The following ADCY9 variants were observed in gnomAD, a reference collection of about 807,000 sequenced individuals.
ADCY9 encodes the protein adenylate cyclase type 9.
ADCY9 carries 50 observed loss-of-function variants against 101.5 expected under a neutral mutation model. The ratio of observed to expected loss-of-function variants is 0.49; its 90% CI spans 0.39 to 0.62. The LOEUF is 0.62. Ranked by LOEUF, ADCY9 falls within the 20% of genes least tolerant of loss-of-function variation. ADCY9 has a pLI of 0.00. For synonymous variants in ADCY9, 905 were observed against 769.3 expected (o/e 1.18, Z -2.92); for missense variants, 1,662 against 1,800.4 (o/e 0.92, Z 1.39).
At chr16:4,040,166 T>G (rs2056617220) in intron 2 of ADCY9, among the ~76,000 whole-genome samples, 1 of 152,148 alleles carries the variant, frequency 6.6e-6, no homozygotes, top group African/African-American at 2.4e-5. Context: ...GAACAAATCA[T>G]TTTGCTAATA....
rs527517151 is a variant in ADCY9 at position 3,964,044 on chromosome 16, A to C, written c.*1731T>G. 6.6e-5 allele frequency: 10 copies of C among 152,506 alleles called. No individual in the cohort carries two copies. The East Asian group carries it at 1.9e-3, about 30-fold the overall frequency. The allele number at this position is 152,506 out of a possible 1,614,324, so 9.4% of individuals were successfully genotyped here. A position where few individuals can be genotyped will look rare whatever the true frequency, so the allele number is the denominator to read the frequency against. On this transcript the variant is annotated 3_prime_UTR_variant, in exon 11 of 11. Transcript: ENST00000294016. ...GGCTGTCCTGATGGGTGGCCATCCC[A>C]GGCACCGCCCCTGGAGAGGTGGCGG...
At chr16:3,984,495 G>A (rs1433234446) in intron 6 of ADCY9, among the ~76,000 whole-genome samples, 2 of 152,176 alleles carry the variant, frequency 1.3e-5, no homozygotes, top group Non-Finnish European at 2.9e-5. Flanking sequence ...GATCTCCATT[G>A]ACGCTCACGG....
chr16:4,031,466 T>C (rs545954048), intron 2 of ADCY9, among the ~76,000 whole-genome samples: 2 of 152,342 alleles, frequency 1.3e-5, no homozygotes, highest in African/African-American at 2.4e-5. Flanking sequence ...TATACACACC[T>C]ACACTGAGAC....
chr16:4,028,190 G>A (rs1462740541), intron 2 of ADCY9, among the ~76,000 whole-genome samples: 2 of 152,134 alleles, frequency 1.3e-5, no homozygotes, highest in Admixed American at 6.6e-5. Flanking sequence ...AGAGAAAAAA[G>A]TCAGTTCACA....
chr16:3,968,292 C>A (rs1227716678), intron 10 of ADCY9, among the ~76,000 whole-genome samples: 2 of 151,970 alleles, frequency 1.3e-5, no homozygotes, highest in Non-Finnish European at 2.9e-5. Flanking sequence ...GCCACCACAC[C>A]CAGCTAATTT....
intron 2 of ADCY9, among the ~76,000 whole-genome samples, chr16:4,090,866 C>T (rs760652250): frequency 2.6e-5 from 4 of 151,818 alleles, no homozygotes; most frequent in Non-Finnish European, 5.9e-5. Context: ...AGTCTCTAGG[C>T]TCTTATATCT....
chr16:3,987,856 G>A (rs1352003563), intron 6 of ADCY9, among the ~76,000 whole-genome samples: 2 of 152,328 alleles, frequency 1.3e-5, no homozygotes, highest in African/African-American at 2.4e-5. Context: ...TCAGAGGTTA[G>A]GTTTGGGCCC....
At chr16:3,961,204 T>A (rs2055935989), downstream of ADCY9, among the ~76,000 whole-genome samples, 1 of 152,010 alleles carries the variant, frequency 6.6e-6, no homozygotes, top group African/African-American at 2.4e-5. Context: ...TCCCAGCACT[T>A]TGGGAGGCTG....
At chr16:4,043,849 AAGG>A (rs970974076) in intron 2 of ADCY9, among the ~76,000 whole-genome samples, 2 of 152,132 alleles carry the variant, frequency 1.3e-5, no homozygotes, top group Non-Finnish European at 2.9e-5. Context: ...CAAAAAAGAG[AAGG>A]AGAAGAAAAG....
intron 3 of ADCY9, among the ~76,000 whole-genome samples, chr16:3,996,647 G>A (rs369556708): frequency 6.0e-4 from 92 of 152,286 alleles, no homozygotes; most frequent in African/African-American, 2.1e-3. Context: ...GTGCAAGTGC[G>A]TGCTCAGTAA....
chr16:3,970,516 C>T (rs2056041526), intron 10 of ADCY9, among the ~76,000 whole-genome samples: 1 of 152,086 alleles, frequency 6.6e-6, no homozygotes, highest in Non-Finnish European at 1.5e-5. Context: ...TTAGTAGAGA[C>T]AGGGTTTCAC....
downstream of ADCY9, among the ~76,000 whole-genome samples, chr16:3,958,673 CTT>C (rs1207846349): frequency 2.2e-3 from 227 of 103,014 alleles, 2 homozygotes; most frequent in African/African-American, 8.2e-3. Context: ...TCGTCGGTTA[CTT>C]TTTTTTTTTT....
chr16:4,084,911 T>G (rs2056928020), intron 2 of ADCY9, among the ~76,000 whole-genome samples: 1 of 152,156 alleles, frequency 6.6e-6, no homozygotes, highest in African/African-American at 2.4e-5. Flanking sequence ...TCATATCAAC[T>G]TCAACTCCCG....
chr16:3,986,934 G>A (rs559526358), intron 6 of ADCY9, among the ~76,000 whole-genome samples: 1 of 152,312 alleles, frequency 6.6e-6, no homozygotes, highest in African/African-American at 2.4e-5. Context: ...GCTCCCCATG[G>A]CCTGTGGCAT....
chr16:4,080,505 C>T (rs1208127382), intron 2 of ADCY9, among the ~76,000 whole-genome samples: 5 of 152,108 alleles, frequency 3.3e-5, no homozygotes, highest in Admixed American at 1.3e-4. Flanking sequence ...GTGATCCTCC[C>T]GCCTCAACCT....
intron 2 of ADCY9, among the ~76,000 whole-genome samples, chr16:4,085,428 C>T (rs1481098481): frequency 1.3e-5 from 2 of 152,070 alleles, no homozygotes; most frequent in Non-Finnish European, 2.9e-5. Context: ...GTGCACCCAG[C>T]CCCCAGGAGC....
At chr16:3,999,699 C>T (rs927206767) in intron 3 of ADCY9, among the ~76,000 whole-genome samples, 12 of 152,208 alleles carry the variant, frequency 7.9e-5, no homozygotes, top group African/African-American at 1.7e-4. Context: ...CCCTGGAGAA[C>T]GCCCAAGAGC....
intron 2 of ADCY9, among the ~76,000 whole-genome samples, chr16:4,109,478 A>G (rs964996932): frequency 2.0e-5 from 3 of 152,324 alleles, no homozygotes; most frequent in African/African-American, 7.2e-5. Flanking sequence ...TAAGCAAGCC[A>G]GGGGTTCCGG....
intron 2 of ADCY9, among the ~76,000 whole-genome samples, chr16:4,105,038 C>T (rs927317211): frequency 7.1e-6 from 1 of 140,666 alleles, no homozygotes; most frequent in Middle Eastern, 3.6e-3. Context: ...CACTGCACTC[C>T]AATGTGGGCA....
Sources: allele counts gnomAD v4.1 joint callset (sites outside exome capture counted in the v4.1 genomes callset), GRCh38; gene constraint gnomAD v4.1.1; transcripts MANE v1.5; gene names NCBI Gene and HGNC (gene_info 2026-07-23, HGNC 2026-07-21).